The following CHLSN variants were observed in gnomAD, a reference collection of about 807,000 sequenced individuals.
The protein encoded by CHLSN is cholesin, also known as protein cholesin.
the CHLSN span, among the ~76,000 whole-genome samples, chr7:1,136,297 A>G: frequency 8.5e-6 from 1 of 117,832 alleles, no homozygotes; most frequent in African/African-American, 3.5e-5. Context: ...AATATATATA[A>G]ACATATATAA....
chr7:1,008,502 C>T, the CHLSN span, among the ~76,000 whole-genome samples: 3 of 152,170 alleles, frequency 2.0e-5, no homozygotes, highest in Admixed American at 2.0e-4. Flanking sequence ...GGAAGCTAAG[C>T]CTCCCAGAGA....
the CHLSN span, among the ~76,000 whole-genome samples, chr7:1,094,501 A>C: frequency 6.6e-6 from 1 of 152,254 alleles, no homozygotes; most frequent in Admixed American, 6.5e-5. Flanking sequence ...CCAATTAAAG[A>C]AAACATCTGC....
At chr7:1,133,054 A>T in the CHLSN span, among the ~76,000 whole-genome samples, 12 of 152,314 alleles carry the variant, frequency 7.9e-5, no homozygotes, top group East Asian at 2.3e-3. Flanking sequence ...CCATGGACGA[A>T]GGGGGAAACA....
At chr7:1,104,181 A>T in the CHLSN span, among the ~76,000 whole-genome samples, 1 of 152,246 alleles carries the variant, frequency 6.6e-6, no homozygotes, top group African/African-American at 2.4e-5. Context: ...CTGTCAGGCC[A>T]CAAAGGCTCT....
chr7:1,057,605 G>A, the CHLSN span: 8 of 770,076 alleles, frequency 1.0e-5, no homozygotes, highest in East Asian at 4.9e-5. Flanking sequence ...CACTGTTGTC[G>A]CTGCTGGGCC....
chr7:1,057,476 T>C, the CHLSN span: 1 of 724,870 alleles, frequency 1.4e-6, no homozygotes, highest in Non-Finnish European at 2.5e-6. Context: ...TGACCACCTG[T>C]TCCTTCTTTC....
At chr7:1,080,388 G>A in the CHLSN span, among the ~76,000 whole-genome samples, 11 of 152,350 alleles carry the variant, frequency 7.2e-5, no homozygotes, top group East Asian at 1.9e-4. Context: ...TGTGCACGAC[G>A]TGACACACCA....
the CHLSN span, chr7:1,029,204 T>G: frequency 6.6e-6 from 1 of 152,284 alleles, no homozygotes; most frequent in African/African-American, 2.4e-5. Flanking sequence ...TGTAGCTCAC[T>G]GCAGCCTTAA....
At chr7:1,082,946 G>A in the CHLSN span, among the ~76,000 whole-genome samples, 2 of 152,250 alleles carry the variant, frequency 1.3e-5, no homozygotes, top group African/African-American at 4.8e-5. Flanking sequence ...TGGGGTGGGA[G>A]GAGCCTCCCC....
chr7:1,021,497 G>C, the CHLSN span: 1 of 985,442 alleles, frequency 1.0e-6, no homozygotes, highest in Non-Finnish European at 1.2e-6. Flanking sequence ...TTGACAAGAT[G>C]CCAGTAGTTG....
At chr7:1,006,385 A>T in the CHLSN span, among the ~76,000 whole-genome samples, 1 of 150,970 alleles carries the variant, frequency 6.6e-6, no homozygotes, top group East Asian at 2.0e-4. Flanking sequence ...CAGCGCAGGG[A>T]AAGAGCGCAC....
chr7:1,126,498 G>A, the CHLSN span, among the ~76,000 whole-genome samples: 33 of 152,084 alleles, frequency 2.2e-4, no homozygotes, highest in African/African-American at 7.5e-4. Flanking sequence ...TGGCCAACAT[G>A]GTGAAACCCG....
At chr7:980,335 C>T in the CHLSN span, among the ~76,000 whole-genome samples, 2 of 152,298 alleles carry the variant, frequency 1.3e-5, no homozygotes, top group African/African-American at 4.8e-5. Context: ...ATCTGTCTGG[C>T]AGGCCTGGAC....
At chr7:1,101,161 C>A in the CHLSN span, among the ~76,000 whole-genome samples, 1 of 152,280 alleles carries the variant, frequency 6.6e-6, no homozygotes, top group African/African-American at 2.4e-5. Flanking sequence ...ACTCTGCTCT[C>A]GCACACACCC....
the CHLSN span, among the ~76,000 whole-genome samples, chr7:1,136,317 AAC>A: frequency 3.5e-3 from 368 of 104,116 alleles, no homozygotes; most frequent in African/African-American, 0.011. Flanking sequence ...AATATATATA[AAC>A]ATAAATATAT....
the CHLSN span, among the ~76,000 whole-genome samples, chr7:1,033,001 G>A: frequency 2.6e-5 from 4 of 152,162 alleles, no homozygotes; most frequent in African/African-American, 9.7e-5. Flanking sequence ...TCGCGGTGCG[G>A]ACCCAGGCCA....
At chr7:1,014,553 C>T in the CHLSN span, among the ~76,000 whole-genome samples, 3,159 of 152,296 alleles carry the variant, frequency 0.021, 111 homozygotes, top group African/African-American at 0.072. Flanking sequence ...CTAGTCATAC[C>T]CCAACAAAAA....
chr7:990,827 C>T, the CHLSN span, among the ~76,000 whole-genome samples: 3 of 152,152 alleles, frequency 2.0e-5, no homozygotes, highest in Non-Finnish European at 4.4e-5. Context: ...CGCGACGCCC[C>T]GCCCAGTGTG....
At chr7:1,061,640 A>T in the CHLSN span, among the ~76,000 whole-genome samples, 1 of 152,094 alleles carries the variant, frequency 6.6e-6, no homozygotes, top group East Asian at 1.9e-4. Context: ...CCCCTGAGAG[A>T]TTCCCAAAGC....
Sources: allele counts gnomAD v4.1 joint callset (sites outside exome capture counted in the v4.1 genomes callset), GRCh38; gene constraint gnomAD v4.1.1; transcripts MANE v1.5; gene names NCBI Gene and HGNC (gene_info 2026-07-23, HGNC 2026-07-21).